The following UIMC1 variants were observed in gnomAD, a reference collection of about 807,000 sequenced individuals.
UIMC1 encodes BRCA1-A complex subunit RAP80.
Under a neutral mutation model 84.9 loss-of-function variants are expected in UIMC1, and 42 were observed. The ratio of observed to expected loss-of-function variants is 0.49; its 90% CI spans 0.39 to 0.64. The LOEUF is 0.64. UIMC1 is among the 30% of genes least tolerant of loss of function. UIMC1 has a pLI of 0.00. For missense variants in UIMC1, 825 were observed against 847.6 expected, an observed-to-expected ratio of 0.97 and a Z score of 0.33; for synonymous variants, 281 against 293.0, an observed-to-expected ratio of 0.96 and a Z score of 0.42.
At chr5:176,998,551 T>A (rs1330077411) in intron 1 of UIMC1, among the ~76,000 whole-genome samples, 1 of 148,560 alleles carries the variant, frequency 6.7e-6, no homozygotes, top group Non-Finnish European at 1.5e-5. Context: ...GCGGATCACC[T>A]AAGGTCAGGA....
At chr5:176,949,954 T>G (rs988071012) in intron 9 of UIMC1, among the ~76,000 whole-genome samples, 3 of 151,666 alleles carry the variant, frequency 2.0e-5, no homozygotes, top group African/African-American at 7.3e-5. Context: ...CTTGGGAGGC[T>G]GAGGCATGAG....
rs1201094586 is a variant in UIMC1 at position 176,963,173 on chromosome 5, A to T, written c.1201-5019T>A. Among the ~76,000 whole-genome samples, 11 of 29,874 alleles carry T rather than the reference A, an allele frequency of 3.7e-4. 5 individuals are homozygous for T. In the African/African-American group the frequency reaches 5.5e-3, roughly 15 times the overall value. The allele number at this position is 29,874 out of a possible 152,430, so 19.6% of individuals were successfully genotyped here. On this transcript the variant is annotated intron_variant, in intron 6 of 14. Coordinates refer to ENST00000511320, the MANE Select transcript of UIMC1 (RefSeq NM_001199298.2). ...AAAATAAATTAAAAAAAAAAAAAAAAAAAAAAAAAAAAAATTCAAAGAATT... is the reference window on the plus strand; with the variant it reads ...AAAATAAATTAAAAAAAAAAAAAAATAAAAAAAAAAAAAATTCAAAGAATT...
Position 176,991,319 on chromosome 5 carries a change from T to C in UIMC1, c.-8-8696A>G, listed in dbSNP as rs547505964. ...CCACCAAGCCCGGCCTCAGTTTTAATTCACCTTACTCTACCTTTTTAGATT... is the reference window on the plus strand; with the variant it reads ...CCACCAAGCCCGGCCTCAGTTTTAACTCACCTTACTCTACCTTTTTAGATT... On this transcript the variant is annotated intron_variant, in intron 1 of 14. Transcript: ENST00000511320. Among the ~76,000 whole-genome samples the C allele has an allele frequency of 1.6e-3, 248 of 152,124 alleles. 2 individuals are homozygous for C. The highest frequency in any genetic ancestry group is 5.7e-3 in the African/African-American group (238 of 41,528).
chr5:176,905,584 G>A (rs1050301537), intron 14 of UIMC1, 92 bp from the exon 15 acceptor site: 6 of 1,134,774 alleles, frequency 5.3e-6, no homozygotes, highest in Non-Finnish European at 7.5e-6. Context: ...TACATATCAG[G>A]GGATTATTAG....
intron 10 of UIMC1, among the ~76,000 whole-genome samples, chr5:176,925,082 T>C (rs1179865602): frequency 6.7e-6 from 1 of 149,516 alleles, no homozygotes; most frequent in East Asian, 1.9e-4. Flanking sequence ...AAGTACACGC[T>C]AGAAAATATT....
Position 176,959,715 on chromosome 5 carries a change from C to CAAAAAA in UIMC1, c.1201-1567_1201-1562dup, listed in dbSNP as rs1169116401. The stretch of plus-strand genomic sequence containing the variant: ...TGGGCGACAGAGCGAGACTCCGTCT[C>CAAAAAA]AAAAAAAAAAAAAAAAAAAAAATTA... On this transcript the variant is annotated intron_variant, in intron 6 of 14. Coordinates refer to ENST00000511320, the MANE Select transcript of UIMC1 (RefSeq NM_001199298.2). Among the ~76,000 whole-genome samples, 21 of 53,922 alleles carry CAAAAAA rather than the reference C, an allele frequency of 3.9e-4. No individual in the cohort carries two copies. In the South Asian group the frequency reaches 0.01, roughly 26 times the overall value. 35.4% of individuals were successfully genotyped at this position (53,922 alleles called of 152,430 possible). A position where few individuals can be genotyped will look rare whatever the true frequency, so the allele number is the denominator to read the frequency against.
chr5:176,912,702 G>A (rs1373100077), intron 10 of UIMC1, among the ~76,000 whole-genome samples: 1 of 143,442 alleles, frequency 7.0e-6, no homozygotes, highest in Non-Finnish European at 1.5e-5. Context: ...GTCTCGCTCT[G>A]TCACGCAGGC....
chr5:176,994,421 G>A (rs1370896922), intron 1 of UIMC1, among the ~76,000 whole-genome samples: 1 of 151,694 alleles, frequency 6.6e-6, no homozygotes, highest in Non-Finnish European at 1.5e-5. Flanking sequence ...TACAAATGTG[G>A]GCAGGAATGC....
intron 10 of UIMC1, among the ~76,000 whole-genome samples, chr5:176,935,825 T>C (rs1763649916): frequency 6.6e-6 from 1 of 152,146 alleles, no homozygotes; most frequent in South Asian, 2.1e-4. Context: ...CTCTGTTAAC[T>C]CTCAGGCATA....
At chr5:176,987,286 T>TCAACA (rs1459878842) in intron 1 of UIMC1, among the ~76,000 whole-genome samples, 2 of 152,046 alleles carry the variant, frequency 1.3e-5, no homozygotes, top group Non-Finnish European at 2.9e-5. Flanking sequence ...AGGAAACAAG[T>TCAACA]CAACATACAA....
intron 6 of UIMC1, among the ~76,000 whole-genome samples, chr5:176,966,746 TAATA>T (rs1368301739): frequency 3.3e-5 from 5 of 151,992 alleles, no homozygotes; most frequent in Admixed American, 6.5e-5. Flanking sequence ...ACAAGCAAAA[TAATA>T]AATATACACC....
intron 1 of UIMC1, among the ~76,000 whole-genome samples, chr5:176,996,167 G>A (rs1237905212): frequency 6.6e-6 from 1 of 152,134 alleles, no homozygotes; most frequent in Admixed American, 6.6e-5. Flanking sequence ...AGACATTATG[G>A]TGAGCAAAAG....
chr5:176,984,609 G>A (rs1322918319), intron 1 of UIMC1, among the ~76,000 whole-genome samples: 2 of 152,126 alleles, frequency 1.3e-5, no homozygotes, highest in Non-Finnish European at 2.9e-5. Flanking sequence ...AGCGACCAAC[G>A]AGAACAGGCC....
intron 1 of UIMC1, among the ~76,000 whole-genome samples, chr5:177,005,738 G>A (rs1200814144): frequency 1.3e-5 from 2 of 151,854 alleles, no homozygotes; most frequent in Non-Finnish European, 2.9e-5. Flanking sequence ...AAAGACAGAA[G>A]CATAAACTTT....
Position 177,003,053 on chromosome 5 carries a change from G to A in UIMC1, c.-9+3597C>T, listed in dbSNP as rs1304306622. Reference sequence around the variant, plus strand: ...GCTGAGTGAATAAAGAGCACAAAGTGTATATTTAAATTATTAAATGCTATA... The same window carrying A: ...GCTGAGTGAATAAAGAGCACAAAGTATATATTTAAATTATTAAATGCTATA... On this transcript the variant is annotated intron_variant, in intron 1 of 14. Transcript: ENST00000511320. Among the ~76,000 whole-genome samples, 4 of 152,012 alleles carry A rather than the reference G, an allele frequency of 2.6e-5. No homozygotes were observed. The East Asian group carries it at 7.7e-4, about 29-fold the overall frequency.
At chr5:176,939,105 A>C (rs906632619) in intron 10 of UIMC1, among the ~76,000 whole-genome samples, 1 of 151,810 alleles carries the variant, frequency 6.6e-6, no homozygotes, top group Non-Finnish European at 1.5e-5. Flanking sequence ...AAAATATAAA[A>C]AACTAGCCAG....
chr5:177,022,516 G>T (rs376793590), exon 1 of UIMC1: 13 of 510,172 alleles, frequency 2.5e-5, no homozygotes, highest in Admixed American at 3.9e-5. Context: ...CTCCGGGAGG[G>T]GGGGGTCACT....
chr5:176,978,327 G>A (rs1256620408), intron 2 of UIMC1, among the ~76,000 whole-genome samples: 2 of 151,226 alleles, frequency 1.3e-5, no homozygotes, highest in African/African-American at 2.4e-5. Flanking sequence ...GAGCAGAGAT[G>A]GCGCCACCGC....
intron 1 of UIMC1, among the ~76,000 whole-genome samples, chr5:176,988,053 C>T (rs1303685096): frequency 1.4e-5 from 2 of 147,690 alleles, no homozygotes; most frequent in African/African-American, 5.0e-5. Context: ...ATCAATTGAG[C>T]CCAGGAGGTC....
Sources: allele counts gnomAD v4.1 joint callset (sites outside exome capture counted in the v4.1 genomes callset), GRCh38; gene constraint gnomAD v4.1.1; transcripts MANE v1.5; gene names NCBI Gene and HGNC (gene_info 2026-07-23, HGNC 2026-07-21).